The following ANO2 variants were observed in gnomAD, a reference collection of about 807,000 sequenced individuals.
ANO2 encodes the protein anoctamin-2.
In ANO2, 101 loss-of-function variants were observed where a neutral mutation model predicts 124.2. The ratio of observed to expected loss-of-function variants is 0.81; its 90% CI spans 0.69 to 0.96. ANO2 has a LOEUF of 0.96. Ranked by LOEUF, ANO2 falls within the 40% of genes least tolerant of loss-of-function variation. ANO2 has a pLI of 0.00. For synonymous variants in ANO2, 486 were observed against 482.5 expected, an observed-to-expected ratio of 1.01 and a Z score of -0.09; for missense variants, 1,293 against 1,274.5, an observed-to-expected ratio of 1.01 and a Z score of -0.22.
rs1951412777 is a variant in ANO2, at chr12:5,750,865, T to C, written c.1161A>G (p.Gly387=). 6.2e-7 allele frequency: 1 copy of C among 1,612,952 alleles called. No homozygotes were observed. Among genetic ancestry groups the C allele is most frequent in the Non-Finnish European group, 8.5e-7 (1 of 1,179,472 alleles). The change falls in exon 11 of 25, where the codon GGA becomes GGG. Residue 387 remains glycine, a synonymous_variant. Coordinates refer to ENST00000682330, the MANE Select transcript of ANO2 (RefSeq NM_001364791.2). ...GAATATCTTCTTCAATTGTTGCACA[T>C]CCATAAAGAAACACAATCACTCCAA... ...SVIGVIVFLY[G]CATIEEDIPS...
At position 5,804,905 on chromosome 12, in the gene ANO2, C is replaced by T. The variant is rs555170259; in HGVS notation, c.990+1147G>A. Among the ~76,000 whole-genome samples the T allele has an allele frequency of 3.3e-5, 5 of 151,868 alleles. No homozygotes were observed. In the East Asian group the frequency reaches 9.7e-4, roughly 29 times the overall value. On this transcript the variant is annotated intron_variant, in intron 9 of 24. Coordinates refer to ENST00000682330, the MANE Select transcript of ANO2 (RefSeq NM_001364791.2). ...TTACACAGGCAATGGATGGTGATCA[C>T]CATTTAAAGGGAAGGAAGGAAAAAT...
intron 12 of ANO2, among the ~76,000 whole-genome samples, chr12:5,739,720 G>A (rs1335937026): frequency 6.6e-6 from 1 of 152,024 alleles, no homozygotes; most frequent in African/African-American, 2.4e-5. Flanking sequence ...AAAATAAAAA[G>A]GGAGGGGTCT....
chr12:5,884,193 G>A (rs1938718368), intron 3 of ANO2, among the ~76,000 whole-genome samples: 1 of 152,180 alleles, frequency 6.6e-6, no homozygotes, highest in Non-Finnish European at 1.5e-5. Context: ...CCAGATAACA[G>A]CCACTGTGGG....
At chr12:5,642,184 TCTC>T (rs1173575416) in intron 15 of ANO2, among the ~76,000 whole-genome samples, 3 of 152,162 alleles carry the variant, frequency 2.0e-5, no homozygotes, top group East Asian at 1.9e-4. Flanking sequence ...CTCTTTTCTG[TCTC>T]CTCCTCATGC....
chr12:5,900,870 C>T lies in ANO2; in HGVS notation c.534+20170G>A, dbSNP rs541354099. On this transcript the variant is annotated intron_variant, in intron 3 of 24. Coordinates refer to ENST00000682330, the MANE Select transcript of ANO2 (RefSeq NM_001364791.2). The surrounding 1 kb of genome is among the most constrained non-coding windows in gnomAD (Gnocchi z 4.2). Reference sequence around the variant, plus strand: ...GTCTCCTTGTTCTCGGCTCAGGAGACTCAGAGAAAGCCCAACAGCTGGGAC... The same window carrying T: ...GTCTCCTTGTTCTCGGCTCAGGAGATTCAGAGAAAGCCCAACAGCTGGGAC... Among the ~76,000 whole-genome samples, 1 of 152,336 alleles carries T rather than the reference C, an allele frequency of 6.6e-6. No homozygotes were observed. The highest frequency in any genetic ancestry group is 6.5e-5 in the Admixed American group (1 of 15,306).
At chr12:5,577,070 C>A (rs1245378652) in intron 22 of ANO2, among the ~76,000 whole-genome samples, 2 of 152,220 alleles carry the variant, frequency 1.3e-5, no homozygotes, top group African/African-American at 4.8e-5. Context: ...ATACTCAGGG[C>A]CTCTGTTCTA....
intron 11 of ANO2, among the ~76,000 whole-genome samples, chr12:5,746,576 G>A (rs1336139230): frequency 6.6e-6 from 1 of 152,188 alleles, no homozygotes; most frequent in African/African-American, 2.4e-5. Context: ...AGAAGTAACT[G>A]TGGCTATAAA....
chr12:5,707,863 T>C (rs1382665405), intron 14 of ANO2, among the ~76,000 whole-genome samples: 2 of 152,204 alleles, frequency 1.3e-5, no homozygotes, highest in Non-Finnish European at 2.9e-5. Context: ...ACAATATTTG[T>C]TGACAGACAA....
At chr12:5,922,947 GC>G in intron 1 of ANO2, 143 bp from the exon 2 acceptor site, 1 of 874,554 alleles carries the variant, frequency 1.1e-6, no homozygotes, top group Non-Finnish European at 1.6e-6. Flanking sequence ...AGTCCCTAAA[GC>G]CCAGGTTCAC....
At chr12:5,854,236 G>A (rs976653548) in intron 3 of ANO2, 95 bp from the exon 4 acceptor site, 29 of 1,117,374 alleles carry the variant, frequency 2.6e-5, no homozygotes, top group East Asian at 1.5e-4. Flanking sequence ...AGCCCAACCC[G>A]TTGTTCTTCA....
At chr12:5,779,000 G>C (rs1952308831) in intron 10 of ANO2, among the ~76,000 whole-genome samples, 1 of 152,174 alleles carries the variant, frequency 6.6e-6, no homozygotes, top group Non-Finnish European at 1.5e-5. Flanking sequence ...ACTCCTTCCT[G>C]GAAGTATTGA....
In ANO2 at chr12:5,944,269, G is replaced by A. The variant is rs111867209; in HGVS notation, c.22+927C>T. Among the ~76,000 whole-genome samples, 270 of 152,324 alleles carry A rather than the reference G, an allele frequency of 1.8e-3. 1 individual carries two copies. Among genetic ancestry groups the A allele is most frequent in the African/African-American group, 6.3e-3 (262 of 41,586 alleles). On this transcript the variant is annotated intron_variant, in intron 1 of 24. Transcript: ENST00000682330. ...AGTCCTCTGGAAGCACCTTCACCTT[G>A]TCTAAGATCCTCCCTCCACCTGCCA...
intron 14 of ANO2, among the ~76,000 whole-genome samples, chr12:5,730,572 GTCTATTC>G (rs1950594297): frequency 6.6e-6 from 1 of 152,318 alleles, no homozygotes; most frequent in South Asian, 2.1e-4. Context: ...TTTAGTCCCT[GTCTATTC>G]CTCAGAAGCA....
rs1220781868 is a variant in ANO2 at position 5,814,470 on chromosome 12, C to G, written c.893-7102G>C. Among the ~76,000 whole-genome samples, 3 of 152,342 alleles carry G rather than the reference C, an allele frequency of 2.0e-5. No homozygotes were observed. In the East Asian group the frequency reaches 5.8e-4, roughly 29 times the overall value. On this transcript the variant is annotated intron_variant, in intron 7 of 24. Coordinates refer to ENST00000682330, the MANE Select transcript of ANO2 (RefSeq NM_001364791.2). The stretch of plus-strand genomic sequence containing the variant: ...TCCTCAAATATTACATCAGGAAGAC[C>G]TTCTCCGACTACTCTATTTAAAATA...
chr12:5,893,820 T>C (rs1939580646), intron 3 of ANO2, among the ~76,000 whole-genome samples: 1 of 152,220 alleles, frequency 6.6e-6, no homozygotes, highest in African/African-American at 2.4e-5. Context: ...GGACATGAAC[T>C]CATCCTTTTT....
intron 7 of ANO2, among the ~76,000 whole-genome samples, chr12:5,815,942 C>G (rs563751956): frequency 1.3e-5 from 2 of 152,146 alleles, no homozygotes; most frequent in South Asian, 4.2e-4. Flanking sequence ...AGAGACATTA[C>G]TAGATAAACA....
chr12:5,578,144 A>G lies in ANO2; in HGVS notation c.2387-137T>C. On this transcript the variant is annotated intron_variant, in intron 21 of 24. Transcript: ENST00000682330. ...GCCCCCCCAGAATGGGCTTGTCTGG[A>G]AAGGCTTAGGTAGCCCCCCCATCTG... 4.7e-6 allele frequency: 6 copies of G among 1,285,758 alleles called. No individual in the cohort carries two copies. The South Asian group carries it at 8.6e-5, about 18-fold the overall frequency. The allele number at this position is 1,285,758 out of a possible 1,614,324, so 79.6% of individuals were successfully genotyped here.
chr12:5,927,241 A>AT (rs577477811), intron 1 of ANO2, among the ~76,000 whole-genome samples: 33 of 152,116 alleles, frequency 2.2e-4, no homozygotes, highest in Non-Finnish European at 3.5e-4. Context: ...ATGACCACAC[A>AT]TTTTTTAATC....
At chr12:5,673,033 C>T (rs1007631275) in intron 14 of ANO2, among the ~76,000 whole-genome samples, 8 of 152,200 alleles carry the variant, frequency 5.3e-5, no homozygotes, top group African/African-American at 1.9e-4. Flanking sequence ...AGGTCTCACT[C>T]CTACCTCTCC....
Sources: allele counts gnomAD v4.1 joint callset (sites outside exome capture counted in the v4.1 genomes callset), GRCh38; gene constraint gnomAD v4.1.1; non-coding constraint Gnocchi (gnomAD v3.1); transcripts MANE v1.5; gene names NCBI Gene and HGNC (gene_info 2026-07-23, HGNC 2026-07-21).